Variants in SWT1 observed in about 807,000 individuals in gnomAD.
SWT1 encodes SWT1 RNA endoribonuclease homolog.
Under a neutral mutation model 107.3 loss-of-function variants are expected in SWT1, and 33 were observed. That is an observed-to-expected ratio of 0.31 (90% CI 0.23 to 0.41). The LOEUF (loss-of-function observed/expected upper bound fraction) is 0.41. Ranked by LOEUF, SWT1 falls within the 10% of genes least tolerant of loss-of-function variation. The pLI is 1.00. For synonymous variants in SWT1, 345 were observed against 348.3 expected, an observed-to-expected ratio of 0.99 and a Z score of 0.11; for missense variants, 898 against 1,028.9, an observed-to-expected ratio of 0.87 and a Z score of 1.74.
chr1:185,215,775 A>C (rs897127246), intron 14 of SWT1, among the ~76,000 whole-genome samples: 1 of 152,074 alleles, frequency 6.6e-6, no homozygotes, highest in Non-Finnish European at 1.5e-5. Flanking sequence ...CCTGGACTCA[A>C]GCAATCCTCC....
rs748777451 is a variant in SWT1 at position 185,231,557 on chromosome 1, CT to C, written c.2310-12del. ...AATATGTATGTATACCTATGAGTATCTTTTTTTTCTCTATTTTAGCACGGAT... is the reference window on the plus strand; with the variant it reads ...AATATGTATGTATACCTATGAGTATCTTTTTTTCTCTATTTTAGCACGGAT... On this transcript the variant is annotated intron_variant, in intron 15 of 18. Coordinates refer to ENST00000367500, the MANE Select transcript of SWT1 (RefSeq NM_017673.7). 175 of 1,576,966 alleles carry C rather than the reference CT, an allele frequency of 1.1e-4. No individual in the cohort carries two copies. The Admixed American group carries it at 2.0e-3, about 18-fold the overall frequency.
At chr1:185,264,517 G>T in intron 16 of SWT1, 1 of 948,654 alleles carries the variant, frequency 1.1e-6, no homozygotes. Flanking sequence ...ATTTTATTGG[G>T]CCAAGAATTT....
At chr1:185,282,177 A>G (rs1664668721) in intron 18 of SWT1, among the ~76,000 whole-genome samples, 1 of 152,178 alleles carries the variant, frequency 6.6e-6, no homozygotes, top group African/African-American at 2.4e-5. Flanking sequence ...TATTTCTGGT[A>G]ATTTACAAAA....
intron 16 of SWT1, among the ~76,000 whole-genome samples, chr1:185,236,358 T>A (rs993046737): frequency 5.3e-5 from 8 of 152,174 alleles, no homozygotes; most frequent in African/African-American, 1.9e-4. Flanking sequence ...ATGGTACTGG[T>A]ACCAAAACAG....
rs539279203 is a variant in SWT1, at chr1:185,201,286, G to A, written c.1524-1368G>A. ...GGTTCTGTCTCGCTGGTGTTCAGGC[G>A]CCACTGGGATATGAAAAAAACCTCC... On this transcript the variant is annotated intron_variant, in intron 10 of 18. Transcript: ENST00000367500. Among the ~76,000 whole-genome samples the A allele has an allele frequency of 5.3e-4, 80 of 152,160 alleles. 1 individual carries two copies. The South Asian group carries it at 0.014, about 27-fold the overall frequency.
rs1006565300 is a variant in SWT1 at position 185,291,508 on chromosome 1, G to A, written c.*705G>A. On this transcript the variant is annotated 3_prime_UTR_variant, in exon 19 of 19. Transcript: ENST00000367500. ...TTATATAATGGAATTTGGTGGCAGT[G>A]ACTGATGTTTGTCTCTAGCTAAAAC... The A allele has an allele frequency of 6.6e-6, 1 of 152,522 alleles. No individual in the cohort carries two copies. The highest frequency in any genetic ancestry group is 1.5e-5 in the Non-Finnish European group (1 of 68,026). 9.4% of individuals were successfully genotyped at this position (152,522 alleles called of 1,614,324 possible). A position where few individuals can be genotyped will look rare whatever the true frequency, so the allele number is the denominator to read the frequency against.
At chr1:185,203,669 TC>T (rs1398788812) in intron 11 of SWT1, among the ~76,000 whole-genome samples, 1 of 152,114 alleles carries the variant, frequency 6.6e-6, no homozygotes, top group African/African-American at 2.4e-5. Flanking sequence ...TCATTTTTTT[TC>T]ACCAGAATAA....
At position 185,290,770 on chromosome 1, in the gene SWT1, A is replaced by T; in HGVS notation, c.2670A>T (p.Gly890=). Residue 890 remains glycine (G), a synonymous_variant, in exon 19 of 19, where the codon GGA becomes GGT. Transcript: ENST00000367500. ...ASVYMEAKNR[G]WCEDMLNYRI ...TTTATATGGAGGCCAAAAACAGGGG[A>T]TGGTGTGAAGACATGCTCAACTATA... 1 of 1,611,778 alleles carries T rather than the reference A, an allele frequency of 6.2e-7. No individual in the cohort carries two copies. Among genetic ancestry groups the T allele is most frequent in the South Asian group, 1.1e-5 (1 of 90,878 alleles).
intron 11 of SWT1, 36 bp from the exon 12 acceptor site, chr1:185,204,664 C>T (rs769503725): frequency 8.0e-6 from 10 of 1,247,354 alleles, no homozygotes; most frequent in Non-Finnish European, 1.0e-5. Flanking sequence ...TTACTGTTAG[C>T]ATTCTAAATA....
chr1:185,264,478 G>C, intron 16 of SWT1: 1 of 982,882 alleles, frequency 1.0e-6, no homozygotes, highest in Non-Finnish European at 1.2e-6. Context: ...TCAAAGATAA[G>C]AAATAGAATA....
intron 15 of SWT1, among the ~76,000 whole-genome samples, chr1:185,230,608 A>C (rs1047934188): frequency 3.9e-5 from 6 of 152,232 alleles, no homozygotes; most frequent in African/African-American, 1.4e-4. Flanking sequence ...GACACTAGTC[A>C]AACCAAGCAC....
chr1:185,230,640 TGG>T (rs1212066687), intron 15 of SWT1, among the ~76,000 whole-genome samples: 1 of 152,226 alleles, frequency 6.6e-6, no homozygotes, highest in Non-Finnish European at 1.5e-5. Flanking sequence ...GATTTTTATA[TGG>T]TTGTTCTTAT....
chr1:185,257,640 C>T (rs1050058391), intron 16 of SWT1, among the ~76,000 whole-genome samples: 12 of 152,224 alleles, frequency 7.9e-5, no homozygotes, highest in Non-Finnish European at 1.6e-4. Context: ...TGCTTCGGCT[C>T]GCACATGGTG....
At chr1:185,242,102 G>GA in intron 16 of SWT1, among the ~76,000 whole-genome samples, 1 of 152,236 alleles carries the variant, frequency 6.6e-6, no homozygotes. Context: ...TAGACTCAGG[G>GA]AATATAAGCA....
At chr1:185,237,991 ATT>A (rs756534304) in intron 16 of SWT1, among the ~76,000 whole-genome samples, 3 of 144,326 alleles carry the variant, frequency 2.1e-5, no homozygotes, top group African/African-American at 5.0e-5. Context: ...ACCTGGGGTG[ATT>A]TTTTTTTTTT....
At chr1:185,244,522 C>G (rs547441311) in intron 16 of SWT1, among the ~76,000 whole-genome samples, 1 of 152,196 alleles carries the variant, frequency 6.6e-6, no homozygotes, top group South Asian at 2.1e-4. Flanking sequence ...AGAACACTTA[C>G]CACAATGTAG....
intron 10 of SWT1, among the ~76,000 whole-genome samples, chr1:185,192,300 C>CT (rs1421629411): frequency 2.6e-5 from 4 of 152,132 alleles, no homozygotes; most frequent in African/African-American, 9.7e-5. Context: ...TAAATGAACT[C>CT]TTGAGTTTTT....
In SWT1 at chr1:185,200,657, C is replaced by T. The variant is rs201493801; in HGVS notation, c.1524-1997C>T. Among the ~76,000 whole-genome samples, 6 of 152,226 alleles carry T rather than the reference C, an allele frequency of 3.9e-5. No individual in the cohort carries two copies. In the East Asian group the frequency reaches 9.7e-4, roughly 25 times the overall value. On this transcript the variant is annotated intron_variant, in intron 10 of 18. Coordinates refer to ENST00000367500, the MANE Select transcript of SWT1 (RefSeq NM_017673.7). ...AGAGGGGCACCCGCCAGATGCCAGC[C>T]GGAGCTCTTCTGTATGAGGTGTCTG...
At position 185,221,936 on chromosome 1, in the gene SWT1, G is replaced by A. The variant is rs1466924757; in HGVS notation, c.2209G>A (p.Glu737Lys). The change falls in exon 15 of 19, where the codon GAA (glutamate) becomes AAA (lysine). Residue 737 changes from glutamate (E) to lysine (K), a missense_variant. Glu to Lys is a moderately conservative substitution (Grantham distance 56). Transcript: ENST00000367500. ...GTSLKNSHNQ[E>K]ITVFSSSHLP... ...TTCATTGAAGAATTCTCATAATCAA[G>A]AAATCACTGTTTTCTCGAGTTCTCA... is the stretch of plus-strand genomic sequence containing the variant. 20 of 1,612,448 alleles carry A rather than the reference G, an allele frequency of 1.2e-5. No individual in the cohort carries two copies. Among genetic ancestry groups the A allele is most frequent in the Non-Finnish European group, 1.5e-5 (18 of 1,179,238 alleles).
Sources: allele counts gnomAD v4.1 joint callset (sites outside exome capture counted in the v4.1 genomes callset), GRCh38; gene constraint gnomAD v4.1.1; transcripts MANE v1.5; gene names NCBI Gene and HGNC (gene_info 2026-07-23, HGNC 2026-07-21).